STK31: variants seen among roughly 807,000 people sequenced by gnomAD.
STK31 encodes serine/threonine-protein kinase 31.
A neutral mutation model predicts 129.7 loss-of-function variants in STK31; 89 were observed. The ratio of observed to expected loss-of-function variants is 0.69; its 90% CI spans 0.58 to 0.82. STK31 has a LOEUF of 0.82. STK31 is among the 40% of genes least tolerant of loss of function. STK31 has a pLI of 0.00. For synonymous variants in STK31, 448 were observed against 395.3 expected (o/e 1.13, Z -1.58); for missense variants, 1,187 against 1,176.4 (o/e 1.01, Z -0.13).
At chr7:23,753,747 T>A (rs924984061) in intron 9 of STK31, among the ~76,000 whole-genome samples, 4 of 152,200 alleles carry the variant, frequency 2.6e-5, no homozygotes, top group Non-Finnish European at 5.9e-5. Flanking sequence ...TAAATAATTA[T>A]CTTTGTTGTT....
chr7:23,790,824 A>G lies in STK31; in HGVS notation c.2638A>G (p.Ser880Gly), dbSNP rs140280001. The change falls in exon 22 of 24, where the codon AGT becomes GGT. Residue 880 changes from serine to glycine, a missense_variant and splice_region_variant. Ser to Gly is a moderately conservative substitution (Grantham distance 56). Transcript: ENST00000355870. ...VGDFDFTKSV[S>G]QRASVNMMVG... ...AATATGTAAAATATTGTTTTTGCAG[A>G]GTCAGCGAGCCTCGGTGAACATGAT... The G allele has an allele frequency of 1.1e-5, 17 of 1,583,140 alleles. No homozygotes were observed. In the African/African-American group the frequency reaches 1.6e-4, roughly 15 times the overall value.
At chr7:23,827,632 C>T (rs1293047784) in intron 23 of STK31, among the ~76,000 whole-genome samples, 1 of 152,202 alleles carries the variant, frequency 6.6e-6, no homozygotes, top group Non-Finnish European at 1.5e-5. Context: ...TGTTCAGTTG[C>T]TGGTGAGGAG....
intron 15 of STK31, among the ~76,000 whole-genome samples, chr7:23,778,453 C>T (rs1452823491): frequency 6.6e-6 from 1 of 152,116 alleles, no homozygotes; most frequent in Non-Finnish European, 1.5e-5. Context: ...TTCCCTTTTC[C>T]CTGTCACTTT....
chr7:23,812,171 C>T (rs1418884626), intron 22 of STK31, among the ~76,000 whole-genome samples: 4 of 152,112 alleles, frequency 2.6e-5, no homozygotes, highest in Admixed American at 1.3e-4. Context: ...TTGAGAACAT[C>T]TTGATTTCAC....
intron 22 of STK31, among the ~76,000 whole-genome samples, chr7:23,799,991 C>G (rs968656416): frequency 1.3e-5 from 2 of 152,180 alleles, no homozygotes; most frequent in East Asian, 1.9e-4. Context: ...AAAAGCTCAT[C>G]ATCACTGGTC....
chr7:23,745,264 G>C (rs746443860), intron 8 of STK31, among the ~76,000 whole-genome samples: 10 of 152,192 alleles, frequency 6.6e-5, no homozygotes, highest in Non-Finnish European at 1.2e-4. Flanking sequence ...ACACTGGTGA[G>C]AGGGGTTATG....
chr7:23,745,097 G>A (rs556234570), intron 8 of STK31, among the ~76,000 whole-genome samples: 6 of 152,302 alleles, frequency 3.9e-5, no homozygotes, highest in African/African-American at 1.2e-4. Flanking sequence ...GTGCTGAGTG[G>A]GTCAGTCAGG....
At chr7:23,789,826 C>A (rs1791510336) in intron 21 of STK31, among the ~76,000 whole-genome samples, 2 of 152,114 alleles carry the variant, frequency 1.3e-5, no homozygotes, top group South Asian at 4.1e-4. Context: ...TGTTATTATT[C>A]CCCAAAACAT....
chr7:23,711,672 G>A (rs961013503), intron 1 of STK31, among the ~76,000 whole-genome samples: 1 of 152,026 alleles, frequency 6.6e-6, no homozygotes, highest in Non-Finnish European at 1.5e-5. Context: ...TAACCACCGT[G>A]CCTTTTACAT....
intron 22 of STK31, among the ~76,000 whole-genome samples, chr7:23,810,717 A>ATAT (rs1491361048): frequency 2.4e-5 from 1 of 41,430 alleles, no homozygotes; most frequent in African/African-American, 1.4e-4. Context: ...TATAAAATAG[A>ATAT]TATATATAAA....
At chr7:23,800,954 C>G (rs1792330831) in intron 22 of STK31, among the ~76,000 whole-genome samples, 1 of 152,054 alleles carries the variant, frequency 6.6e-6, no homozygotes, top group Non-Finnish European at 1.5e-5. Context: ...GTTTGTTCAC[C>G]TGTTGCAGAA....
chr7:23,781,594 A>T, intron 16 of STK31, 74 bp downstream of exon 16: 3 of 1,053,106 alleles, frequency 2.8e-6, no homozygotes, highest in Non-Finnish European at 4.3e-6. Context: ...CGTTTTATGA[A>T]GTGGACTGTA....
chr7:23,714,244 C>T (rs913410255), intron 3 of STK31, among the ~76,000 whole-genome samples: 6 of 152,202 alleles, frequency 3.9e-5, no homozygotes, highest in African/African-American at 1.4e-4. Flanking sequence ...AAATTTGTTT[C>T]TGCTTATGCA....
intron 22 of STK31, among the ~76,000 whole-genome samples, chr7:23,804,830 A>T (rs190197099): frequency 1.3e-5 from 2 of 152,208 alleles, no homozygotes; most frequent in Admixed American, 1.3e-4. Context: ...CCTCTCATTT[A>T]CTGTGTCTGC....
Position 23,717,525 on chromosome 7 carries a change from G to T in STK31, c.195G>T (p.Leu65=). The change falls in exon 4 of 24, where the codon CTG becomes CTT. Residue 65 remains leucine (L), a synonymous_variant. Transcript: ENST00000355870. Reference sequence around the variant, plus strand: ...ATATCATGAAGATTGGTTGCTCACTGTCTGAAGTTTGCCCCCAGGCCAGTT... The same window carrying T: ...ATATCATGAAGATTGGTTGCTCACTTTCTGAAGTTTGCCCCCAGGCCAGTT... The part of the protein sequence containing the change: ...NKDIMKIGCS[L]SEVCPQASSV... 3 of 1,613,216 alleles carry T rather than the reference G, an allele frequency of 1.9e-6. No homozygotes were observed. Among genetic ancestry groups the T allele is most frequent in the Non-Finnish European group, 2.5e-6 (3 of 1,179,564 alleles).
At chr7:23,830,239 TA>T (rs199854467) in intron 23 of STK31, among the ~76,000 whole-genome samples, 11 of 152,288 alleles carry the variant, frequency 7.2e-5, no homozygotes, top group Non-Finnish European at 1.3e-4. Context: ...GTTTATCTTT[TA>T]AAAAAATTTT....
intron 5 of STK31, 98 bp downstream of exon 5, chr7:23,727,413 T>A: frequency 1.1e-6 from 1 of 928,964 alleles, no homozygotes; most frequent in Non-Finnish European, 1.7e-6. Flanking sequence ...TTATTCGTAG[T>A]ACTGATACCT....
rs71552259 is a variant in STK31, at chr7:23,814,146, C to CTTTTTTTTTTTTTTTTTT, written c.2761-996_2761-995insTTTTTTTTTTTTTTTTTT. On this transcript the variant is annotated intron_variant, in intron 22 of 23. Transcript: ENST00000355870. Reference sequence around the variant, plus strand: ...GTTGGGAAACATCAGATCTGGCTCACTTATTTTTTTTTTTTTTTCAGTTGG... The same window carrying CTTTTTTTTTTTTTTTTTT: ...GTTGGGAAACATCAGATCTGGCTCACTTTTTTTTTTTTTTTTTTTTATTTTTTTTTTTTTTTCAGTTGG... Among the ~76,000 whole-genome samples, 38 of 98,936 alleles carry CTTTTTTTTTTTTTTTTTT rather than the reference C, an allele frequency of 3.8e-4. 10 individuals are homozygous for CTTTTTTTTTTTTTTTTTT. Among genetic ancestry groups the CTTTTTTTTTTTTTTTTTT allele is most frequent in the Non-Finnish European group, 4.7e-4 (25 of 53,224 alleles). The allele number at this position is 98,936 out of a possible 152,430, so 64.9% of individuals were successfully genotyped here.
intron 3 of STK31, among the ~76,000 whole-genome samples, chr7:23,714,670 A>G (rs1300988467): frequency 6.6e-6 from 1 of 152,138 alleles, no homozygotes; most frequent in Non-Finnish European, 1.5e-5. Context: ...GACTAGCCAT[A>G]TTTCAAGTGG....
Sources: gnomAD v4.1 joint callset for allele counts (sites outside exome capture counted in the v4.1 genomes callset) on GRCh38, gnomAD v4.1.1 for gene constraint, MANE v1.5 for transcripts, NCBI Gene and HGNC (gene_info 2026-07-23, HGNC 2026-07-21) for gene names.